SUGT1: variants seen among roughly 807,000 people sequenced by gnomAD.
The protein encoded by SUGT1 is protein SGT1 homolog.
Under a neutral mutation model 56.1 loss-of-function variants are expected in SUGT1, and 15 were observed. The ratio of observed to expected loss-of-function variants is 0.27; its 90% CI spans 0.18 to 0.41. The LOEUF (loss-of-function observed/expected upper bound fraction) is 0.41, where lower values mean the gene tolerates loss of function less well. Among genes scored for constraint, SUGT1 ranks in the 10% least tolerant of loss-of-function variants. The pLI is 1.00. For synonymous variants in SUGT1, 123 were observed against 128.6 expected (o/e 0.96, Z 0.30); for missense variants, 347 against 382.2 (o/e 0.91, Z 0.77).
At chr13:52,686,666 T>C (rs1231089098) in intron 12 of SUGT1, among the ~76,000 whole-genome samples, 1 of 152,246 alleles carries the variant, frequency 6.6e-6, no homozygotes, top group Admixed American at 6.5e-5. Context: ...TGTAACTGTA[T>C]ACATTGGCCA....
At chr13:52,661,181 G>T (rs1490614708) in intron 5 of SUGT1, among the ~76,000 whole-genome samples, 2 of 152,112 alleles carry the variant, frequency 1.3e-5, no homozygotes, top group East Asian at 3.9e-4. Context: ...TATTTCAGAG[G>T]TGGCCTTCAG....
At position 52,700,768 on chromosome 13, in the gene SUGT1, T is replaced by A. The variant is rs1256577936; in HGVS notation, c.*12933T>A. On this transcript the variant is annotated 3_prime_UTR_variant, in exon 13 of 13. Transcript: ENST00000310528. ...TAACTTAAAAAATATATTGTGACCA[T>A]TTTTATAAAATACATGTTCATAAAA... The A allele has an allele frequency of 6.6e-6, 1 of 152,184 alleles. No homozygotes were observed. Among genetic ancestry groups the A allele is most frequent in the Non-Finnish European group, 1.5e-5 (1 of 68,038 alleles). The allele number at this position is 152,184 out of a possible 1,614,324, so 9.4% of individuals were successfully genotyped here.
At chr13:52,662,363 G>A (rs1962495242) in intron 5 of SUGT1, among the ~76,000 whole-genome samples, 1 of 152,174 alleles carries the variant, frequency 6.6e-6, no homozygotes. Context: ...TAAGAGCAGC[G>A]GGATTGGGGG....
At chr13:52,663,913 T>G in intron 7 of SUGT1, 122 bp from the exon 8 acceptor site, 1 of 946,730 alleles carries the variant, frequency 1.1e-6, no homozygotes. Flanking sequence ...TGTAGTTATT[T>G]TATATCAAAA....
intron 8 of SUGT1, among the ~76,000 whole-genome samples, chr13:52,664,876 A>C (rs1962624201): frequency 6.6e-6 from 1 of 152,172 alleles, no homozygotes; most frequent in Non-Finnish European, 1.5e-5. Context: ...CGTGTACCGG[A>C]CACTGTGCTT....
At chr13:52,679,662 C>T (rs765260185) in intron 11 of SUGT1, among the ~76,000 whole-genome samples, 4 of 152,134 alleles carry the variant, frequency 2.6e-5, no homozygotes, top group Admixed American at 6.5e-5. Flanking sequence ...TACTTTTCAT[C>T]TAGTTTCTGT....
rs1249542591 is a variant in SUGT1, at chr13:52,697,307, TTTTTGTTTTG to T, written c.*9484_*9493del. The stretch of plus-strand genomic sequence containing the variant: ...GGCGTAAGCCACTGTGCCCGGCTGT[TTTTTGTTTTG>T]TTTTGTTTTGTGTTTTAATTGAACG... On this transcript the variant is annotated 3_prime_UTR_variant, in exon 13 of 13. Transcript: ENST00000310528. The T allele has an allele frequency of 2.0e-5, 3 of 152,330 alleles. No individual in the cohort carries two copies. Among genetic ancestry groups the T allele is most frequent in the Non-Finnish European group, 4.4e-5 (3 of 68,150 alleles). 9.4% of individuals were successfully genotyped at this position (152,330 alleles called of 1,614,324 possible). A position where few individuals can be genotyped will look rare whatever the true frequency, so the allele number is the denominator to read the frequency against.
intron 11 of SUGT1, among the ~76,000 whole-genome samples, chr13:52,678,356 TAC>T (rs1209862424): frequency 6.6e-6 from 1 of 152,184 alleles, no homozygotes; most frequent in Non-Finnish European, 1.5e-5. Flanking sequence ...AAAGTCGGTT[TAC>T]AAGTGAAGAG....
chr13:52,674,982 ATAAGTGAACTTAGTCTTCTCGGTAAG>A (rs1161859614), intron 10 of SUGT1, among the ~76,000 whole-genome samples: 5 of 152,222 alleles, frequency 3.3e-5, no homozygotes, highest in East Asian at 1.9e-4. Context: ...TTTCATTTTA[ATAAGTGAACTTAGTCTTCTCGGTAAG>A]TAAGTGAACT....
At chr13:52,678,697 A>T (rs74530484) in intron 11 of SUGT1, among the ~76,000 whole-genome samples, 1 of 145,692 alleles carries the variant, frequency 6.9e-6, no homozygotes, top group South Asian at 2.2e-4. Context: ...TTTTTTTTTT[A>T]AGAGAGAGTC....
intron 12 of SUGT1, among the ~76,000 whole-genome samples, chr13:52,683,726 A>G (rs1159177903): frequency 6.6e-6 from 1 of 152,164 alleles, no homozygotes; most frequent in African/African-American, 2.4e-5. Context: ...AGATTTCTTT[A>G]TTAGGAGATT....
At chr13:52,671,201 G>T (rs1023706716) in intron 10 of SUGT1, among the ~76,000 whole-genome samples, 1 of 151,664 alleles carries the variant, frequency 6.6e-6, no homozygotes, top group African/African-American at 2.4e-5. Flanking sequence ...TACAGTGGTG[G>T]TGATAATAGT....
intron 11 of SUGT1, among the ~76,000 whole-genome samples, chr13:52,677,929 T>C (rs553636384): frequency 4.7e-4 from 72 of 152,298 alleles, no homozygotes; most frequent in African/African-American, 1.7e-3. Flanking sequence ...CCATGTTTTT[T>C]CTAAACTCAA....
At chr13:52,680,712 T>C (rs1340918154) in intron 12 of SUGT1, among the ~76,000 whole-genome samples, 1 of 152,232 alleles carries the variant, frequency 6.6e-6, no homozygotes, top group East Asian at 1.9e-4. Context: ...TCTGGAAATA[T>C]GACTCTTTTA....
rs1337802471 is a variant in SUGT1, at chr13:52,700,741, GTTAAC to G, written c.*12911_*12915del. On this transcript the variant is annotated 3_prime_UTR_variant, in exon 13 of 13. Coordinates refer to ENST00000310528, the MANE Select transcript of SUGT1 (RefSeq NM_006704.5). ...TCTCTCCTCCTCCCTCAATAAATCA[GTTAAC>G]TTAAAAAATATATTGTGACCATTTT... The G allele has an allele frequency of 6.6e-6, 1 of 151,962 alleles. No individual in the cohort carries two copies. Among genetic ancestry groups the G allele is most frequent in the African/African-American group, 2.4e-5 (1 of 41,312 alleles). 9.4% of individuals were successfully genotyped at this position (151,962 alleles called of 1,614,324 possible). A position where few individuals can be genotyped will look rare whatever the true frequency, so the allele number is the denominator to read the frequency against.
rs570160547 is a variant in SUGT1, at chr13:52,680,645, G to A, written c.900+490G>A. 9.3e-4 allele frequency among the ~76,000 whole-genome samples: 141 copies of A among 152,172 alleles called. 2 individuals carry two copies. The South Asian group carries it at 0.019, about 20-fold the overall frequency. On this transcript the variant is annotated intron_variant, in intron 12 of 12. Transcript: ENST00000310528. The stretch of plus-strand genomic sequence containing the variant: ...GACCTCAAAATTTTAGTAATAATTC[G>A]TCATTGTATATTTAGCTTGCAGTTG...
chr13:52,674,836 G>A (rs1963080698), intron 10 of SUGT1, among the ~76,000 whole-genome samples: 1 of 152,150 alleles, frequency 6.6e-6, no homozygotes, highest in Non-Finnish European at 1.5e-5. Flanking sequence ...TTAAAATAGA[G>A]GTGAGAGCAT....
intron 11 of SUGT1, among the ~76,000 whole-genome samples, chr13:52,676,662 T>C (rs1963154120): frequency 6.6e-6 from 1 of 152,216 alleles, no homozygotes; most frequent in Admixed American, 6.5e-5. Context: ...ACTCGGCGGA[T>C]ATATTTCCCC....
chr13:52,659,102 C>T (rs1051213782), intron 4 of SUGT1, 77 bp from the exon 5 acceptor site: 26 of 1,213,668 alleles, frequency 2.1e-5, no homozygotes, highest in Non-Finnish European at 2.6e-5. Flanking sequence ...GTAGAAAATA[C>T]TAAGTTTTTT....
Sources: gnomAD v4.1 joint callset for allele counts (sites outside exome capture counted in the v4.1 genomes callset) on GRCh38, gnomAD v4.1.1 for gene constraint, MANE v1.5 for transcripts, NCBI Gene and HGNC (gene_info 2026-07-23, HGNC 2026-07-21) for gene names.